SLC9A9: variants seen among roughly 807,000 people sequenced by gnomAD.
SLC9A9 encodes the protein solute carrier family 9 member A9.
In SLC9A9, 62 loss-of-function variants were observed where a neutral mutation model predicts 77.8. The observed-to-expected ratio is 0.80, with a 90% confidence interval of 0.65 to 0.98. The LOEUF is 0.98. Ranked by LOEUF, SLC9A9 falls within the 50% of genes least tolerant of loss-of-function variation. SLC9A9 has a pLI of 0.00. For synonymous variants in SLC9A9, 320 were observed against 283.5 expected (o/e 1.13, Z -1.29); for missense variants, 775 against 774.9 (o/e 1.00, Z 0.00).
chr3:143,796,767 A>C, intron 3 of SLC9A9, 59 bp downstream of exon 3: 1 of 1,203,980 alleles, frequency 8.3e-7, no homozygotes, highest in East Asian at 2.4e-5. Context: ...GTTTCTCATT[A>C]GTGCTGGTAA....
intron 9 of SLC9A9, 23 bp downstream of exon 9, chr3:143,552,339 C>G (rs963916060): frequency 1.3e-6 from 2 of 1,559,804 alleles, no homozygotes; most frequent in African/African-American, 2.7e-5. Context: ...GAGACCAAGT[C>G]TGTAGTAAAT....
At chr3:143,450,663 G>T (rs1302834572) in intron 12 of SLC9A9, among the ~76,000 whole-genome samples, 1 of 152,100 alleles carries the variant, frequency 6.6e-6, no homozygotes, top group Non-Finnish European at 1.5e-5. Context: ...TTTCCTTTGA[G>T]AATCCCACTG....
intron 13 of SLC9A9, 48 bp downstream of exon 13, chr3:143,382,012 C>A: frequency 6.2e-7 from 1 of 1,606,896 alleles, no homozygotes; most frequent in South Asian, 1.1e-5. Context: ...GCCTATGGAA[C>A]AGAACAATCA....
Position 143,619,056 on chromosome 3 carries a change from C to A in SLC9A9, c.755+33199G>T, listed in dbSNP as rs79868814. On this transcript the variant is annotated intron_variant, in intron 6 of 15. Coordinates refer to ENST00000316549, the MANE Select transcript of SLC9A9 (RefSeq NM_173653.4). ...AGAGAAAGAATTGTTCTTTAGCAAC[C>A]TACACACCTCTATCTAACTCATTCA... Among the ~76,000 whole-genome samples the A allele has an allele frequency of 9.2e-5, 14 of 152,260 alleles. No homozygotes were observed. In the East Asian group the frequency reaches 2.5e-3, roughly 27 times the overall value.
At chr3:143,404,320 C>T (rs1461681810) in intron 12 of SLC9A9, among the ~76,000 whole-genome samples, 1 of 151,622 alleles carries the variant, frequency 6.6e-6, no homozygotes, top group African/African-American at 2.4e-5. Flanking sequence ...ATTACAGGTG[C>T]CTGCCACCAC....
chr3:143,675,314 C>T (rs923808689), intron 5 of SLC9A9, among the ~76,000 whole-genome samples: 3 of 152,206 alleles, frequency 2.0e-5, no homozygotes, highest in African/African-American at 7.2e-5. Flanking sequence ...TTGTCAAGTG[C>T]AGGCTGGTTG....
intron 5 of SLC9A9, among the ~76,000 whole-genome samples, chr3:143,652,942 C>G (rs1479424678): frequency 9.2e-5 from 14 of 152,188 alleles, no homozygotes. Flanking sequence ...GATCAAATCA[C>G]TGAACTTACC....
chr3:143,831,114 GA>G (rs199971851), intron 2 of SLC9A9, among the ~76,000 whole-genome samples: 67 of 149,016 alleles, frequency 4.5e-4, no homozygotes, highest in Non-Finnish European at 6.0e-4. Flanking sequence ...TCTTAAAATG[GA>G]AAAAAAAAGG....
chr3:143,464,686 G>A (rs1430863330), intron 12 of SLC9A9, among the ~76,000 whole-genome samples: 1 of 152,126 alleles, frequency 6.6e-6, no homozygotes, highest in African/African-American at 2.4e-5. Flanking sequence ...CAGCAACAGA[G>A]GCATTTCCTG....
At chr3:143,396,591 A>T (rs183804662) in intron 12 of SLC9A9, among the ~76,000 whole-genome samples, 18 of 152,292 alleles carry the variant, frequency 1.2e-4, no homozygotes, top group African/African-American at 3.6e-4. Context: ...TTAAAGTATA[A>T]TAATAAAAAA....
intron 14 of SLC9A9, among the ~76,000 whole-genome samples, chr3:143,269,559 C>T (rs1262675305): frequency 6.6e-6 from 1 of 152,192 alleles, no homozygotes; most frequent in African/African-American, 2.4e-5. Context: ...TAGCACCTGT[C>T]TTTCTCATCT....
At chr3:143,558,610 G>A (rs1355931702) in intron 8 of SLC9A9, among the ~76,000 whole-genome samples, 2 of 152,164 alleles carry the variant, frequency 1.3e-5, no homozygotes, top group Non-Finnish European at 2.9e-5. Context: ...GGAGTTGCAT[G>A]GGGCCTGTAC....
chr3:143,649,101 C>T (rs867178159), intron 6 of SLC9A9, among the ~76,000 whole-genome samples: 4 of 152,192 alleles, frequency 2.6e-5, no homozygotes, highest in African/African-American at 4.8e-5. Context: ...AATCTTGACA[C>T]CAGATCTTCT....
chr3:143,375,262 C>T (rs2033156678), intron 13 of SLC9A9, among the ~76,000 whole-genome samples: 1 of 152,116 alleles, frequency 6.6e-6, no homozygotes, highest in African/African-American at 2.4e-5. Flanking sequence ...GCTCATGTGA[C>T]CTATATGGCA....
rs2034855167 is a variant in SLC9A9, at chr3:143,446,884, G to GTATGTA, written c.1469+20152_1469+20153insTACATA. Among the ~76,000 whole-genome samples the GTATGTA allele has an allele frequency of 2.0e-5, 3 of 152,218 alleles. No individual in the cohort carries two copies. The South Asian group carries it at 6.2e-4, about 32-fold the overall frequency. ...ATATAAGGTAGGTGTGTATGTGTGTGTGTGTGTGTGTGTGCATGCACACAT... is the reference window on the plus strand; with the variant it reads ...ATATAAGGTAGGTGTGTATGTGTGTGTATGTATGTGTGTGTGTGTGCATGCACACAT... On this transcript the variant is annotated intron_variant, in intron 12 of 15. Transcript: ENST00000316549.
In SLC9A9 at chr3:143,739,074, T is replaced by G. The variant is rs143429860; in HGVS notation, c.534-45767A>C. ...CCTGTCTCTCTCCCCTCTCCTGGGG[T>G]TGAGTGGTATAAGGTAAGTGGTGAA... On this transcript the variant is annotated intron_variant, in intron 4 of 15. Coordinates refer to ENST00000316549, the MANE Select transcript of SLC9A9 (RefSeq NM_173653.4). 7.2e-3 allele frequency among the ~76,000 whole-genome samples: 1,100 copies of G among 152,038 alleles called. 8 individuals are homozygous for G. The highest frequency in any genetic ancestry group is 0.025 in the African/African-American group (1,032 of 41,468).
intron 13 of SLC9A9, among the ~76,000 whole-genome samples, chr3:143,374,330 C>T (rs1397722916): frequency 6.9e-6 from 1 of 144,894 alleles, no homozygotes; most frequent in East Asian, 2.1e-4. Flanking sequence ...GAGGCTGAGG[C>T]AGGAGAATGG....
At chr3:143,466,990 G>A (rs781188860) in intron 12 of SLC9A9, 47 bp downstream of exon 12, 19 of 1,596,612 alleles carry the variant, frequency 1.2e-5, no homozygotes, top group South Asian at 4.5e-5. Context: ...ATTGAACAGC[G>A]CAGCCATGCC....
intron 12 of SLC9A9, among the ~76,000 whole-genome samples, chr3:143,445,090 C>T (rs987388488): frequency 6.6e-6 from 1 of 152,148 alleles, no homozygotes; most frequent in African/African-American, 2.4e-5. Flanking sequence ...TCCACAGAGG[C>T]TCTCTCCATT....
Sources: gnomAD v4.1 joint callset for allele counts (sites outside exome capture counted in the v4.1 genomes callset) on GRCh38, gnomAD v4.1.1 for gene constraint, MANE v1.5 for transcripts, NCBI Gene and HGNC (gene_info 2026-07-23, HGNC 2026-07-21) for gene names.